PSMA3: variants seen among roughly 807,000 people sequenced by gnomAD.
PSMA3 encodes the protein proteasome subunit alpha type-3.
PSMA3 carries 8 observed loss-of-function variants against 40.0 expected under a neutral mutation model. The ratio of observed to expected loss-of-function variants is 0.20; its 90% CI spans 0.12 to 0.36. The LOEUF (loss-of-function observed/expected upper bound fraction) is 0.36. Among genes scored for constraint, PSMA3 ranks in the 10% least tolerant of loss-of-function variants. The pLI, the probability that PSMA3 is intolerant of heterozygous loss-of-function variation, is 1.00. For synonymous variants in PSMA3, 110 were observed against 100.0 expected (o/e 1.10, Z -0.59); for missense variants, 219 against 310.6 (o/e 0.70, Z 2.22).
chr14:58,257,691 C>A, intron 3 of PSMA3, 54 bp from the exon 4 acceptor site: 1 of 1,452,996 alleles, frequency 6.9e-7, no homozygotes. Context: ...TAATTGCAGA[C>A]TTTGATTTGT....
intron 5 of PSMA3, among the ~76,000 whole-genome samples, chr14:58,258,889 G>T (rs1240432548): frequency 2.0e-5 from 3 of 152,000 alleles, no homozygotes; most frequent in African/African-American, 7.3e-5. Context: ...TAATTACTAA[G>T]ATATTAAAGA....
Position 58,254,340 on chromosome 14 carries a change from A to ATATATGTATG in PSMA3, c.228+2101_228+2102insATGTATGTAT. Among the ~76,000 whole-genome samples the ATATATGTATG allele has an allele frequency of 2.9e-3, 102 of 34,806 alleles. 21 individuals are homozygous for ATATATGTATG. The highest frequency in any genetic ancestry group is 8.1e-3 in the African/African-American group (84 of 10,390). The allele number at this position is 34,806 out of a possible 152,430, so 22.8% of individuals were successfully genotyped here. A position where few individuals can be genotyped will look rare whatever the true frequency, so the allele number is the denominator to read the frequency against. On this transcript the variant is annotated intron_variant, in intron 3 of 10. Coordinates refer to ENST00000216455, the MANE Select transcript of PSMA3 (RefSeq NM_002788.4). ...TGAAAAAAATTATGCATGCATATAT[A>ATATATGTATG]TATGTATGTACACACACACAGAGGT...
At chr14:58,271,553 C>A (rs1402929027) in intron 10 of PSMA3, among the ~76,000 whole-genome samples, 1 of 152,024 alleles carries the variant, frequency 6.6e-6, no homozygotes, top group Non-Finnish European at 1.5e-5. Flanking sequence ...AGGCTAGTTT[C>A]AAACTCTTGA....
intron 7 of PSMA3, 35 bp downstream of exon 7, chr14:58,263,805 C>T (rs1468346702): frequency 6.4e-7 from 1 of 1,569,306 alleles, no homozygotes; most frequent in Non-Finnish European, 8.8e-7. Flanking sequence ...ACTATGTCGT[C>T]ATCCTAATGC....
intron 3 of PSMA3, among the ~76,000 whole-genome samples, chr14:58,257,099 C>CT (rs1890161807): frequency 1.2e-5 from 1 of 83,178 alleles, no homozygotes. Context: ...GAGACTCTGT[C>CT]TCAAAAAAAA....
chr14:58,249,823 A>G (rs1211827691), intron 2 of PSMA3, among the ~76,000 whole-genome samples: 2 of 152,180 alleles, frequency 1.3e-5, no homozygotes, highest in African/African-American at 4.8e-5. Flanking sequence ...TTGAATTCTT[A>G]TGAAAATAAT....
intron 7 of PSMA3, 42 bp from the exon 8 acceptor site, chr14:58,267,432 A>C: frequency 6.9e-7 from 1 of 1,449,504 alleles, no homozygotes; most frequent in Non-Finnish European, 9.1e-7. Flanking sequence ...CACAAGTGGA[A>C]AATGTTCTTC....
At chr14:58,256,811 T>A (rs1253997578) in intron 3 of PSMA3, among the ~76,000 whole-genome samples, 1 of 152,044 alleles carries the variant, frequency 6.6e-6, no homozygotes, top group East Asian at 1.9e-4. Flanking sequence ...CAACCTGTAA[T>A]AACTTTAGAG....
intron 2 of PSMA3, among the ~76,000 whole-genome samples, chr14:58,250,988 C>T (rs977576541): frequency 6.6e-6 from 1 of 151,958 alleles, no homozygotes; most frequent in Non-Finnish European, 1.5e-5. Flanking sequence ...TTATCCAAAA[C>T]AGAGAAGTTG....
At position 58,244,889 on chromosome 14, in the gene PSMA3, G is replaced by A; in HGVS notation, c.-32G>A. On this transcript the variant is annotated 5_prime_UTR_variant, in exon 1 of 11. Transcript: ENST00000216455. ...GTATAGGGGAAGCGCTCCGGGCCTG[G>A]AATCCCTACGCGTCCCTTTGGGTTT... 1 of 1,614,194 alleles carries A rather than the reference G, an allele frequency of 6.2e-7. No homozygotes were observed. Among genetic ancestry groups the A allele is most frequent in the Non-Finnish European group, 8.5e-7 (1 of 1,180,020 alleles).
chr14:58,265,541 G>C (rs911843890), intron 7 of PSMA3: 3 of 152,062 alleles, frequency 2.0e-5, no homozygotes, highest in African/African-American at 7.2e-5. Context: ...TTAACATTTG[G>C]AACAGGGAAC....
intron 10 of PSMA3, among the ~76,000 whole-genome samples, chr14:58,271,495 A>G (rs763010157): frequency 1.3e-5 from 2 of 148,894 alleles, no homozygotes; most frequent in Non-Finnish European, 1.5e-5. Context: ...ATACCTGGCT[A>G]CTTTTGTATT....
chr14:58,252,212 A>G lies in PSMA3; in HGVS notation c.198A>G (p.Arg66=), dbSNP rs145114489. ...TTTATGAAGAAGGTTCCAACAAAAGACTTTTTAATGTTGATCGGCATGTTG... is the reference window on the plus strand; with the variant it reads ...TTTATGAAGAAGGTTCCAACAAAAGGCTTTTTAATGTTGATCGGCATGTTG... ...SKLYEEGSNK[R]LFNVDRHVGM... is the part of the protein sequence containing the mutation. Residue 66 remains arginine, a synonymous_variant, in exon 3 of 11, where the codon AGA becomes AGG. Coordinates refer to ENST00000216455, the MANE Select transcript of PSMA3 (RefSeq NM_002788.4). 257 of 1,612,478 alleles carry G rather than the reference A, an allele frequency of 1.6e-4. 1 individual carries two copies. In the African/African-American group the frequency reaches 2.9e-3, roughly 18 times the overall value.
chr14:58,247,811 T>G lies in PSMA3; in HGVS notation c.83T>G (p.Met28Arg). Reference protein sequence around the residue: ...DGRVFQVEYAMKAVENSSTAI... With the variant: ...DGRVFQVEYARKAVENSSTAI... ...AGAGTTTTTCAAGTTGAATATGCTA[T>G]GAAGGCTGTGGAAAATAGTAGGTAA... The change falls in exon 2 of 11, where the codon ATG becomes AGG. Residue 28 changes from methionine (M) to arginine (R), a missense_variant. Coordinates refer to ENST00000216455, the MANE Select transcript of PSMA3 (RefSeq NM_002788.4). The G allele has an allele frequency of 6.2e-7, 1 of 1,602,316 alleles. No individual in the cohort carries two copies. Among genetic ancestry groups the G allele is most frequent in the Non-Finnish European group, 8.5e-7 (1 of 1,170,060 alleles).
chr14:58,271,881 G>A lies in PSMA3; in HGVS notation c.754G>A (p.Asp252Asn), dbSNP rs754689291. Residue 252 changes from aspartate to asparagine, a missense_variant, in exon 11 of 11, where the codon GAT (aspartate) becomes AAT (asparagine). Coordinates refer to ENST00000216455, the MANE Select transcript of PSMA3 (RefSeq NM_002788.4). ...ESLKEEDESD[D>N]DNM is the part of the protein sequence containing the mutation. ...TCTGAAGGAAGAAGATGAATCAGAT[G>A]ATGATAATATGTAACATTTACTCCA... The A allele has an allele frequency of 6.3e-7, 1 of 1,593,452 alleles. No individual in the cohort carries two copies. Among genetic ancestry groups the A allele is most frequent in the Non-Finnish European group, 8.6e-7 (1 of 1,161,964 alleles).
intron 3 of PSMA3, among the ~76,000 whole-genome samples, chr14:58,254,333 C>CATATATATATATATATATATATAT (rs544540648): frequency 0.02 from 475 of 23,784 alleles, 123 homozygotes; most frequent in African/African-American, 0.027. Context: ...ATTATGCATG[C>CATATATATATATATATATATATAT]ATATATATAT....
At position 58,267,499 on chromosome 14, in the gene PSMA3, T is replaced by C. The variant is rs1278365551; in HGVS notation, c.569T>C (p.Ile190Thr). The change falls in exon 8 of 11, where the codon ATC becomes ACC. Residue 190 changes from isoleucine to threonine, a missense_variant. Coordinates refer to ENST00000216455, the MANE Select transcript of PSMA3 (RefSeq NM_002788.4). Reference sequence around the variant, plus strand: ...ATGAAAGAAATGACCTGCCGTGATATCGTTAAAGAAGTTGCAAAAATGTAA... The same window carrying C: ...ATGAAAGAAATGACCTGCCGTGATACCGTTAAAGAAGTTGCAAAAATGTAA... ...LQMKEMTCRD[I>T]VKEVAKIIYI... The C allele has an allele frequency of 3.2e-6, 5 of 1,574,304 alleles. No individual in the cohort carries two copies. Among genetic ancestry groups the C allele is most frequent in the Non-Finnish European group, 4.3e-6 (5 of 1,164,952 alleles).
chr14:58,271,312 CTTTAAATAT>C (rs1890615225), intron 10 of PSMA3, among the ~76,000 whole-genome samples: 2 of 140,982 alleles, frequency 1.4e-5, no homozygotes, highest in Non-Finnish European at 3.1e-5. Context: ...ACTTTTAATA[CTTTAAATAT>C]TTGTTCTTTT....
chr14:58,247,255 A>C (rs911318854), intron 1 of PSMA3, among the ~76,000 whole-genome samples: 2 of 152,154 alleles, frequency 1.3e-5, no homozygotes, highest in African/African-American at 4.8e-5. Flanking sequence ...TTTCTGATTT[A>C]CTGCTGTACC....
Sources: allele counts gnomAD v4.1 joint callset (sites outside exome capture counted in the v4.1 genomes callset), GRCh38; gene constraint gnomAD v4.1.1; transcripts MANE v1.5; gene names NCBI Gene and HGNC (gene_info 2026-07-23, HGNC 2026-07-21).